CGRRF1: variants seen among roughly 807,000 people sequenced by gnomAD.
CGRRF1 encodes cell growth regulator with ring finger domain 1.
In CGRRF1, 32 loss-of-function variants were observed where a neutral mutation model predicts 37.2. The ratio of observed to expected loss-of-function variants is 0.86; its 90% CI spans 0.65 to 1.16. CGRRF1 has a LOEUF of 1.16. CGRRF1 is among the 50% of genes most tolerant of loss of function. The probability of loss-of-function intolerance (pLI) is 0.00; values close to 1 mark genes in which losing one functional copy is unlikely to be tolerated. For missense variants in CGRRF1, 391 were observed against 382.6 expected, an observed-to-expected ratio of 1.02 and a Z score of -0.18; for synonymous variants, 141 against 140.3, an observed-to-expected ratio of 1.00 and a Z score of -0.04.
At chr14:54,512,348 T>A (rs925714519) in intron 1 of CGRRF1, among the ~76,000 whole-genome samples, 1 of 152,224 alleles carries the variant, frequency 6.6e-6, no homozygotes, top group Non-Finnish European at 1.5e-5. Flanking sequence ...ACTGGAAATA[T>A]AGTATTTTTC....
Position 54,538,428 on chromosome 14 carries a change from A to G in CGRRF1, c.*45A>G. On this transcript the variant is annotated 3_prime_UTR_variant, in exon 6 of 6. Coordinates refer to ENST00000216420, the MANE Select transcript of CGRRF1 (RefSeq NM_006568.3). ...AGTACACTTTCTACTAAAGATGCAG[A>G]AATTGATGATCTTGGAATTCATCAT... 7.2e-7 allele frequency: 1 copy of G among 1,381,214 alleles called. No homozygotes were observed. The highest frequency in any genetic ancestry group is 1.0e-6 in the Non-Finnish European group (1 of 997,204). 85.6% of individuals were successfully genotyped at this position (1,381,214 alleles called of 1,614,324 possible).
Position 54,538,980 on chromosome 14 carries a change from T to C in CGRRF1, c.*597T>C, listed in dbSNP as rs2032648000. 1 of 152,256 alleles carries C rather than the reference T, an allele frequency of 6.6e-6. No individual in the cohort carries two copies. Among genetic ancestry groups the C allele is most frequent in the Admixed American group, 6.5e-5 (1 of 15,290 alleles). 9.4% of individuals were successfully genotyped at this position (152,256 alleles called of 1,614,324 possible). A position where few individuals can be genotyped will look rare whatever the true frequency, so the allele number is the denominator to read the frequency against. On this transcript the variant is annotated 3_prime_UTR_variant, in exon 6 of 6. Coordinates refer to ENST00000216420, the MANE Select transcript of CGRRF1 (RefSeq NM_006568.3). ...TACAAGATATAATTCTTGACTGTTC[T>C]CCGTGTATTATAAAATGATACTCAT...
chr14:54,518,215 A>G (rs2032248864), intron 1 of CGRRF1, among the ~76,000 whole-genome samples: 1 of 152,166 alleles, frequency 6.6e-6, no homozygotes, highest in Non-Finnish European at 1.5e-5. Context: ...CTTCCACAAT[A>G]GTTGAACTAA....
chr14:54,529,788 T>G (rs977829722), intron 2 of CGRRF1, among the ~76,000 whole-genome samples: 8 of 152,178 alleles, frequency 5.3e-5, no homozygotes, highest in Non-Finnish European at 1.0e-4. Flanking sequence ...AAAAGAAAAT[T>G]AACAGTTTCT....
intron 1 of CGRRF1, among the ~76,000 whole-genome samples, chr14:54,521,179 G>A (rs1378839526): frequency 6.6e-6 from 1 of 152,142 alleles, no homozygotes; most frequent in Non-Finnish European, 1.5e-5. Context: ...CCATTGTCCT[G>A]GCTGGGTATG....
intron 1 of CGRRF1, among the ~76,000 whole-genome samples, chr14:54,519,110 T>C (rs1002509364): frequency 2.0e-5 from 3 of 151,604 alleles, no homozygotes; most frequent in Non-Finnish European, 4.4e-5. Context: ...GCCCAGCTAA[T>C]TTTTTTTGTA....
At chr14:54,513,583 T>TATGTCATGTTATGTTATGTA (rs1299751835) in intron 1 of CGRRF1, among the ~76,000 whole-genome samples, 3,242 of 137,314 alleles carry the variant, frequency 0.024, 84 homozygotes, top group East Asian at 0.15. Flanking sequence ...TATGTTATGT[T>TATGTCATGTTATGTTATGTA]ATGTTATGTT....
At chr14:54,510,259 C>T in intron 1 of CGRRF1, 196 bp downstream of exon 1, 2 of 589,310 alleles carry the variant, frequency 3.4e-6, no homozygotes, top group Non-Finnish European at 6.1e-6. Context: ...TGCCCTGCAT[C>T]ACCGTTTGGT....
intron 2 of CGRRF1, among the ~76,000 whole-genome samples, chr14:54,528,785 A>G (rs1458592071): frequency 6.6e-6 from 1 of 152,184 alleles, no homozygotes; most frequent in Non-Finnish European, 1.5e-5. Context: ...CAATTAACCT[A>G]TGCAAAGTTC....
intron 2 of CGRRF1, 45 bp downstream of exon 2, chr14:54,522,638 T>C (rs2032340249): frequency 1.3e-6 from 2 of 1,514,360 alleles, no homozygotes; most frequent in East Asian, 4.6e-5. Context: ...GTTTGCCCTC[T>C]TTTTTTAGCC....
rs763182778 is a variant in CGRRF1, at chr14:54,522,444, C to CT, written c.105-3dup. ...GTTAAAATAATATTTTATTTTTTAC[C>CT]TTTTTTTAGGTTTGGTTGGGATGTT... is the stretch of plus-strand genomic sequence containing the variant. On this transcript the variant is annotated splice_polypyrimidine_tract_variant and intron_variant, in intron 1 of 5. Coordinates refer to ENST00000216420, the MANE Select transcript of CGRRF1 (RefSeq NM_006568.3). The CT allele has an allele frequency of 4.0e-6, 6 of 1,513,202 alleles. No individual in the cohort carries two copies. Among genetic ancestry groups the CT allele is most frequent in the East Asian group, 2.4e-5 (1 of 41,920 alleles). 93.7% of individuals were successfully genotyped at this position (1,513,202 alleles called of 1,614,324 possible).
At chr14:54,532,492 A>G (rs1215904974) in intron 4 of CGRRF1, among the ~76,000 whole-genome samples, 1 of 152,186 alleles carries the variant, frequency 6.6e-6, no homozygotes, top group Non-Finnish European at 1.5e-5. Context: ...ACATGCAAAA[A>G]AAGTGGAAGT....
chr14:54,522,395 A>G, intron 1 of CGRRF1, 59 bp from the exon 2 acceptor site: 5 of 1,220,458 alleles, frequency 4.1e-6, no homozygotes, highest in Non-Finnish European at 5.5e-6. Context: ...CAGATTTTAC[A>G]CATAACATAA....
At chr14:54,518,336 G>A (rs1050477894) in intron 1 of CGRRF1, among the ~76,000 whole-genome samples, 4 of 151,884 alleles carry the variant, frequency 2.6e-5, no homozygotes, top group East Asian at 1.9e-4. Flanking sequence ...ACCTGAGGTC[G>A]GGAGCTTGAG....
At chr14:54,526,891 T>C (rs1467155848) in intron 2 of CGRRF1, among the ~76,000 whole-genome samples, 1 of 152,230 alleles carries the variant, frequency 6.6e-6, no homozygotes, top group African/African-American at 2.4e-5. Flanking sequence ...TTACTGCTTC[T>C]CTCACAGGGA....
chr14:54,534,408 C>T (rs2032568676), intron 4 of CGRRF1, among the ~76,000 whole-genome samples: 1 of 152,128 alleles, frequency 6.6e-6, no homozygotes, highest in African/African-American at 2.4e-5. Context: ...CAGGTGTGAG[C>T]CACTGCTCCC....
At chr14:54,525,153 A>G (rs1423584804) in intron 2 of CGRRF1, among the ~76,000 whole-genome samples, 2 of 152,200 alleles carry the variant, frequency 1.3e-5, no homozygotes. Flanking sequence ...CTGGCTCTTG[A>G]GCAGGACCCG....
chr14:54,511,957 A>G (rs991580040), intron 1 of CGRRF1, among the ~76,000 whole-genome samples: 4 of 152,234 alleles, frequency 2.6e-5, no homozygotes, highest in African/African-American at 9.6e-5. Flanking sequence ...CCACGTAGAT[A>G]AACTTTTTAC....
chr14:54,538,240 C>G lies in CGRRF1; in HGVS notation c.856C>G (p.Leu286Val). 1 of 1,614,176 alleles carries G rather than the reference C, an allele frequency of 6.2e-7. No individual in the cohort carries two copies. The highest frequency in any genetic ancestry group is 1.6e-4 in the Middle Eastern group (1 of 6,062). The change falls in exon 6 of 6, where the codon CTC becomes GTC. Residue 286 changes from leucine (L) to valine (V), a missense_variant. Coordinates refer to ENST00000216420, the MANE Select transcript of CGRRF1 (RefSeq NM_006568.3). ...CCAGAATGGGACTGTGAACTGGGTA[C>G]TCTTACCATGCAGACACACATGCCT... The part of the protein sequence containing the change: ...VCQNGTVNWV[L>V]LPCRHTCLCD...
Sources: gnomAD v4.1 joint callset for allele counts (sites outside exome capture counted in the v4.1 genomes callset) on GRCh38, gnomAD v4.1.1 for gene constraint, MANE v1.5 for transcripts, NCBI Gene and HGNC (gene_info 2026-07-23, HGNC 2026-07-21) for gene names.